CDH12: variants seen among roughly 807,000 people sequenced by gnomAD.
The protein encoded by CDH12 is cadherin 12, also known as cadherin-12.
In CDH12, 41 loss-of-function variants were observed where a neutral mutation model predicts 74.1. The observed-to-expected ratio is 0.55, with a 90% CI of 0.43 to 0.72. The LOEUF is 0.72. Among genes scored for constraint, CDH12 ranks in the 30% least tolerant of loss-of-function variants. The probability of loss-of-function intolerance (pLI) is 0.00; values close to 1 mark genes in which losing one functional copy is unlikely to be tolerated. For synonymous variants in CDH12, 399 were observed against 355.0 expected (o/e 1.12, Z -1.39); for missense variants, 945 against 977.2 (o/e 0.97, Z 0.44).
chr5:22,445,661 T>C (rs1225398668), intron 2 of CDH12, among the ~76,000 whole-genome samples: 2 of 152,226 alleles, frequency 1.3e-5, no homozygotes, highest in East Asian at 1.9e-4. Context: ...TCTCCAAAGA[T>C]AGAAAGAGGA....
intron 6 of CDH12, among the ~76,000 whole-genome samples, chr5:21,941,174 ACTAT>A (rs1314570847): frequency 6.6e-6 from 1 of 152,158 alleles, no homozygotes; most frequent in East Asian, 1.9e-4. Context: ...TCTTTCTAAG[ACTAT>A]CTATAGGTAA....
intron 4 of CDH12, among the ~76,000 whole-genome samples, chr5:22,135,418 T>C (rs1266413087): frequency 1.3e-5 from 2 of 151,956 alleles, no homozygotes; most frequent in African/African-American, 2.4e-5. Context: ...AAGTTAAGGA[T>C]CTAAGCGTAT....
intron 3 of CDH12, among the ~76,000 whole-genome samples, chr5:22,243,532 A>C (rs1561249861): frequency 6.6e-6 from 1 of 152,232 alleles, no homozygotes; most frequent in South Asian, 2.1e-4. Flanking sequence ...AATAAACAAA[A>C]AAAGGTATGC....
intron 1 of CDH12, among the ~76,000 whole-genome samples, chr5:22,793,211 C>A (rs908942687): frequency 1.3e-5 from 2 of 152,220 alleles, no homozygotes; most frequent in Admixed American, 6.5e-5. Flanking sequence ...GTGATCCAAT[C>A]TTTCAGAGAG....
chr5:22,657,039 T>C (rs1043353786), intron 1 of CDH12, among the ~76,000 whole-genome samples: 8 of 152,118 alleles, frequency 5.3e-5, no homozygotes, highest in Non-Finnish European at 1.2e-4. Context: ...TGAGCCACCA[T>C]GCCTGCCCAC....
intron 2 of CDH12, among the ~76,000 whole-genome samples, chr5:22,420,388 G>C (rs11958803): frequency 3.3e-5 from 5 of 151,908 alleles, no homozygotes; most frequent in Non-Finnish European, 7.4e-5. Flanking sequence ...AATTTTCTTC[G>C]TATGGCTATC....
intron 1 of CDH12, among the ~76,000 whole-genome samples, chr5:22,845,004 A>G (rs1476480915): frequency 6.6e-6 from 1 of 152,180 alleles, no homozygotes; most frequent in African/African-American, 2.4e-5. Flanking sequence ...CAAACTTGAA[A>G]GGCCTTCTTC....
intron 1 of CDH12, among the ~76,000 whole-genome samples, chr5:22,529,535 C>G (rs752261249): frequency 5.3e-5 from 8 of 152,102 alleles, no homozygotes; most frequent in Non-Finnish European, 1.0e-4. Flanking sequence ...TTGGTTCCAT[C>G]TAGGCCATCA....
chr5:22,471,858 C>T (rs2126606820), intron 2 of CDH12, among the ~76,000 whole-genome samples: 1 of 152,246 alleles, frequency 6.6e-6, no homozygotes, highest in South Asian at 2.1e-4. Flanking sequence ...GTTGCTGGAT[C>T]TGTTAAAGAA....
At chr5:22,003,824 C>CAAAAAAA (rs775995801) in intron 5 of CDH12, among the ~76,000 whole-genome samples, 23 of 47,354 alleles carry the variant, frequency 4.9e-4, no homozygotes, top group African/African-American at 1.5e-3. Flanking sequence ...CCCGCTTCCA[C>CAAAAAAA]AAAAAAAAAA....
chr5:22,584,672 A>G (rs1580789311), intron 1 of CDH12, among the ~76,000 whole-genome samples: 1 of 151,964 alleles, frequency 6.6e-6, no homozygotes, highest in South Asian at 2.1e-4. Flanking sequence ...GCTGGCTGTG[A>G]TATTTCTCTT....
rs1554002211 is a variant in CDH12, at chr5:22,035,713, T to TACACACATAC, written c.231+42732_231+42733insGTATGTGTGT. Among the ~76,000 whole-genome samples, 7 of 143,350 alleles carry TACACACATAC rather than the reference T, an allele frequency of 4.9e-5. No homozygotes were observed. The East Asian group carries it at 1.5e-3, about 30-fold the overall frequency. The allele number at this position is 143,350 out of a possible 152,430, so 94.0% of individuals were successfully genotyped here. A position where few individuals can be genotyped will look rare whatever the true frequency, so the allele number is the denominator to read the frequency against. On this transcript the variant is annotated intron_variant, in intron 5 of 14. Transcript: ENST00000382254. ...TTCTTCTTTTTTTACACTTCACACA[T>TACACACATAC]ACACACACACACACACACACACACA...
chr5:21,756,711 A>G (rs73054909), intron 13 of CDH12, among the ~76,000 whole-genome samples: 1 of 152,166 alleles, frequency 6.6e-6, no homozygotes, highest in Admixed American at 6.5e-5. Context: ...TAGAAATGTG[A>G]CAATATGTAG....
intron 9 of CDH12, among the ~76,000 whole-genome samples, chr5:21,808,903 G>A: frequency 6.6e-6 from 1 of 152,014 alleles, no homozygotes; most frequent in East Asian, 1.9e-4. Flanking sequence ...ATGAAATGTA[G>A]TTAAGTTTTA....
intron 1 of CDH12, among the ~76,000 whole-genome samples, chr5:22,677,929 G>A (rs1355504080): frequency 6.6e-6 from 1 of 151,898 alleles, no homozygotes; most frequent in Non-Finnish European, 1.5e-5. Flanking sequence ...GTTGGAAGTA[G>A]AGAGTGTGTG....
intron 6 of CDH12, among the ~76,000 whole-genome samples, chr5:21,911,980 G>A (rs964256006): frequency 3.3e-5 from 5 of 152,042 alleles, no homozygotes; most frequent in African/African-American, 4.8e-5. Flanking sequence ...ACAAACTATT[G>A]CCTGAGGAAA....
At chr5:22,098,637 T>C (rs542043282) in intron 4 of CDH12, among the ~76,000 whole-genome samples, 20 of 152,198 alleles carry the variant, frequency 1.3e-4, no homozygotes, top group African/African-American at 3.9e-4. Flanking sequence ...TTCAGCTGTA[T>C]TCACTCTTCG....
intron 1 of CDH12, among the ~76,000 whole-genome samples, chr5:22,709,606 A>G (rs1288306635): frequency 6.6e-6 from 1 of 152,198 alleles, no homozygotes; most frequent in African/African-American, 2.4e-5. Context: ...ATCTTAAATC[A>G]TAATCTTAAA....
chr5:21,841,320 A>C (rs1430148701), intron 8 of CDH12, among the ~76,000 whole-genome samples: 1 of 152,120 alleles, frequency 6.6e-6, no homozygotes, highest in African/African-American at 2.4e-5. Context: ...ATCGTCTCAC[A>C]CCAGTTAGAA....
Sources: gnomAD v4.1 joint callset for allele counts (sites outside exome capture counted in the v4.1 genomes callset) on GRCh38, gnomAD v4.1.1 for gene constraint, MANE v1.5 for transcripts, NCBI Gene and HGNC (gene_info 2026-07-23, HGNC 2026-07-21) for gene names.